Variants in ZHX2 observed in about 807,000 individuals in gnomAD.
ZHX2 encodes the protein zinc fingers and homeoboxes 2.
In ZHX2, 6 loss-of-function variants were observed where a neutral mutation model predicts 21.9. The observed-to-expected ratio is 0.27, with a 90% CI of 0.15 to 0.54. The LOEUF is 0.54. Among genes scored for constraint, ZHX2 ranks in the 20% least tolerant of loss-of-function variants. The pLI, the probability that ZHX2 is intolerant of heterozygous loss-of-function variation, is 0.95. For missense variants in ZHX2, 908 were observed against 1,090.7 expected (o/e 0.83, Z 2.36); for synonymous variants, 434 against 437.1 (o/e 0.99, Z 0.09).
intron 2 of ZHX2, among the ~76,000 whole-genome samples, chr8:122,910,199 T>G (rs1820444264): frequency 6.6e-6 from 1 of 152,056 alleles, no homozygotes; most frequent in African/African-American, 2.4e-5. Context: ...AATGACTTTC[T>G]TAGATTCAGG....
chr8:122,838,437 C>T (rs1199109441), intron 1 of ZHX2, among the ~76,000 whole-genome samples: 5 of 151,954 alleles, frequency 3.3e-5, no homozygotes, highest in Admixed American at 2.0e-4. Flanking sequence ...GTTTATACAG[C>T]AGAAAACTGG....
chr8:122,972,498 C>T (rs1295020494), intron 3 of ZHX2, among the ~76,000 whole-genome samples: 1 of 151,984 alleles, frequency 6.6e-6, no homozygotes, highest in African/African-American at 2.4e-5. Flanking sequence ...TTATTAGGCC[C>T]CTATATGTTC....
At chr8:122,923,446 C>T (rs558515190) in intron 2 of ZHX2, among the ~76,000 whole-genome samples, 13 of 152,302 alleles carry the variant, frequency 8.5e-5, no homozygotes, top group African/African-American at 2.9e-4. Context: ...CTTAAACTGT[C>T]GTAGGTTCTT....
At chr8:122,803,090 C>T (rs895244630) in intron 1 of ZHX2, among the ~76,000 whole-genome samples, 1 of 151,990 alleles carries the variant, frequency 6.6e-6, no homozygotes, top group Non-Finnish European at 1.5e-5. Context: ...TGAATTGAAA[C>T]TCCCTCCCCA....
intron 3 of ZHX2, among the ~76,000 whole-genome samples, chr8:122,956,485 A>C (rs1018728171): frequency 6.6e-6 from 1 of 151,910 alleles, no homozygotes; most frequent in Non-Finnish European, 1.5e-5. Context: ...AGCTTCTTGG[A>C]GGAAGGGACA....
rs74494244 is a variant in ZHX2 at position 122,944,632 on chromosome 8, G to A, written c.-219-6660G>A. ...CTCCATGGTGAGCTCTCCACGAGCC[G>A]CAATTTCTGTCCATCCACCGCTGTA... On this transcript the variant is annotated intron_variant, in intron 2 of 3. Coordinates refer to ENST00000314393, the MANE Select transcript of ZHX2 (RefSeq NM_014943.5). Among the ~76,000 whole-genome samples, 315 of 152,186 alleles carry A rather than the reference G, an allele frequency of 2.1e-3. 2 individuals carry two copies. Among genetic ancestry groups the A allele is most frequent in the East Asian group, 0.011 (55 of 5,164 alleles).
At chr8:122,971,914 T>C (rs1813734942) in intron 3 of ZHX2, among the ~76,000 whole-genome samples, 1 of 152,218 alleles carries the variant, frequency 6.6e-6, no homozygotes, top group Non-Finnish European at 1.5e-5. Flanking sequence ...TGTTTCACAG[T>C]TCTGCAGGCC....
chr8:122,847,459 G>A (rs1586321684), intron 1 of ZHX2, among the ~76,000 whole-genome samples: 1 of 152,200 alleles, frequency 6.6e-6, no homozygotes, highest in East Asian at 1.9e-4. Context: ...CTGATGACAG[G>A]CACGTCATGT....
intron 2 of ZHX2, among the ~76,000 whole-genome samples, chr8:122,919,750 C>T (rs566167759): frequency 6.6e-6 from 1 of 152,218 alleles, no homozygotes; most frequent in African/African-American, 2.4e-5. Context: ...TGCCCGAGGT[C>T]ACACAGCTTC....
intron 2 of ZHX2, among the ~76,000 whole-genome samples, chr8:122,878,909 T>A (rs1819633072): frequency 6.6e-6 from 1 of 152,154 alleles, no homozygotes; most frequent in Non-Finnish European, 1.5e-5. Context: ...CATTGGGGCA[T>A]TTAAGTCAGT....
intron 3 of ZHX2, among the ~76,000 whole-genome samples, chr8:122,969,519 C>T (rs964691640): frequency 2.0e-5 from 3 of 151,940 alleles, no homozygotes; most frequent in Non-Finnish European, 4.4e-5. Context: ...CCATTATGTG[C>T]GGCTTTCTGC....
chr8:122,959,782 C>T (rs1406754869), intron 3 of ZHX2, among the ~76,000 whole-genome samples: 4 of 152,156 alleles, frequency 2.6e-5, no homozygotes, highest in Non-Finnish European at 5.9e-5. Context: ...CAGGGACTGC[C>T]CGTTAGTCTG....
intron 1 of ZHX2, among the ~76,000 whole-genome samples, chr8:122,834,399 G>C (rs114309848): frequency 7.9e-5 from 12 of 152,320 alleles, no homozygotes; most frequent in African/African-American, 2.9e-4. Context: ...GGCCTGGTGC[G>C]CTTACCTGGG....
chr8:122,865,131 C>CTT (rs1180936073), intron 2 of ZHX2, among the ~76,000 whole-genome samples: 2 of 141,782 alleles, frequency 1.4e-5, no homozygotes, highest in Admixed American at 7.1e-5. Flanking sequence ...CTTGGCAAGT[C>CTT]TTTTTTTTTT....
At chr8:122,915,250 T>C (rs1820572685) in intron 2 of ZHX2, among the ~76,000 whole-genome samples, 1 of 152,140 alleles carries the variant, frequency 6.6e-6, no homozygotes. Flanking sequence ...GCCTTTACCA[T>C]GTGGATGCCT....
chr8:122,891,816 T>C (rs1322736090), intron 2 of ZHX2, among the ~76,000 whole-genome samples: 1 of 152,228 alleles, frequency 6.6e-6, no homozygotes, highest in African/African-American at 2.4e-5. Flanking sequence ...TTTAAACTTA[T>C]CGAGAGTTGT....
chr8:122,973,090 G>A (rs926191700), intron 3 of ZHX2, among the ~76,000 whole-genome samples, 152 bp from the exon 4 acceptor site: 1 of 152,128 alleles, frequency 6.6e-6, no homozygotes, highest in Non-Finnish European at 1.5e-5. Context: ...GTACATGAAG[G>A]GCATGTGTCT....
intron 2 of ZHX2, among the ~76,000 whole-genome samples, chr8:122,873,764 G>C (rs1439105468): frequency 1.3e-5 from 2 of 152,206 alleles, no homozygotes; most frequent in Non-Finnish European, 2.9e-5. Context: ...TATTGACAAA[G>C]TGTACTCCTT....
In ZHX2 at chr8:122,953,532, T is replaced by C; in HGVS notation, c.2022T>C (p.Arg674=). 6.2e-7 allele frequency: 1 copy of C among 1,614,214 alleles called. No individual in the cohort carries two copies. Among genetic ancestry groups the C allele is most frequent in the Non-Finnish European group, 8.5e-7 (1 of 1,180,040 alleles). The stretch of plus-strand genomic sequence containing the variant: ...GCCTGGTCCGAACTGAGATTGTGCG[T>C]TGGTTCAAGGAGAACAGATGCTTGC... The part of the protein sequence containing the change: ...KTGLVRTEIV[R]WFKENRCLLK... The change falls in exon 3 of 4, where the codon CGT becomes CGC. Residue 674 remains arginine, a synonymous_variant. Coordinates refer to ENST00000314393, the MANE Select transcript of ZHX2 (RefSeq NM_014943.5). This position sits in a 1 kb window ranked among gnomAD's most constrained non-coding sequence, Gnocchi z 4.6.
Sources: allele counts gnomAD v4.1 joint callset (sites outside exome capture counted in the v4.1 genomes callset), GRCh38; gene constraint gnomAD v4.1.1; non-coding constraint Gnocchi (gnomAD v3.1); transcripts MANE v1.5; gene names NCBI Gene and HGNC (gene_info 2026-07-23, HGNC 2026-07-21).